The following MYRFL variants were observed in gnomAD, a reference collection of about 807,000 sequenced individuals.
The protein encoded by MYRFL is myelin regulatory factor like.
Under a neutral mutation model 109.4 loss-of-function variants are expected in MYRFL, and 88 were observed. The observed-to-expected ratio is 0.80, with a 90% CI of 0.68 to 0.96. The LOEUF (loss-of-function observed/expected upper bound fraction) is 0.96. Among genes scored for constraint, MYRFL ranks in the 40% least tolerant of loss-of-function variants. The pLI, the probability that MYRFL is intolerant of heterozygous loss-of-function variation, is 0.00. For missense variants in MYRFL, 957 were observed against 954.9 expected (o/e 1.00, Z -0.03); for synonymous variants, 324 against 320.9 (o/e 1.01, Z -0.10).
At position 69,891,113 on chromosome 12, in the gene MYRFL, G is replaced by A. The variant is rs1350428845; in HGVS notation, c.850G>A (p.Glu284Lys). Reference sequence around the variant, plus strand: ...GGGAAGTCCAAAATTTGTTGAAACCGAGATGGGCCTAAAGCCAATAGAAAT... The same window carrying A: ...GGGAAGTCCAAAATTTGTTGAAACCAAGATGGGCCTAAAGCCAATAGAAAT... ...VWGSPKFVETEMGLKPIEMFY... is the reference protein window; with the variant it reads ...VWGSPKFVETKMGLKPIEMFY... Residue 284 changes from glutamate to lysine, a missense_variant, in exon 7 of 25, where the codon GAG (glutamate) becomes AAG (lysine). Transcript: ENST00000552032. 1.8e-5 allele frequency: 27 copies of A among 1,534,756 alleles called. No individual in the cohort carries two copies. Among genetic ancestry groups the A allele is most frequent in the South Asian group, 3.6e-5 (3 of 83,650 alleles).
intron 22 of MYRFL, among the ~76,000 whole-genome samples, chr12:69,957,091 T>C (rs1214739019): frequency 1.3e-5 from 2 of 152,200 alleles, no homozygotes; most frequent in African/African-American, 4.8e-5. Flanking sequence ...GCAAAAGGAT[T>C]GTTCCCAAAG....
intron 5 of MYRFL, among the ~76,000 whole-genome samples, chr12:69,882,182 T>C (rs1172301562): frequency 6.6e-6 from 1 of 152,152 alleles, no homozygotes; most frequent in Non-Finnish European, 1.5e-5. Context: ...TTCCAGCAGA[T>C]AGGAAATCCT....
At chr12:69,917,735 G>A (rs1348063411) in intron 13 of MYRFL, among the ~76,000 whole-genome samples, 1 of 152,090 alleles carries the variant, frequency 6.6e-6, no homozygotes, top group Non-Finnish European at 1.5e-5. Context: ...CTGATACATT[G>A]TGGATACTGC....
chr12:69,831,810 A>G (rs1297588831), intron 1 of MYRFL, among the ~76,000 whole-genome samples: 1 of 152,144 alleles, frequency 6.6e-6, no homozygotes, highest in Non-Finnish European at 1.5e-5. Context: ...AGTGGCTGCA[A>G]GGTCATTTAT....
chr12:69,948,238 T>A (rs1175641179), intron 19 of MYRFL, among the ~76,000 whole-genome samples: 1 of 152,216 alleles, frequency 6.6e-6, no homozygotes, highest in Non-Finnish European at 1.5e-5. Flanking sequence ...GAAGGTGTTT[T>A]ATGGGAGATT....
chr12:69,825,503 T>G lies in MYRFL; in HGVS notation c.-15T>G. 1 of 701,698 alleles carries G rather than the reference T, an allele frequency of 1.4e-6. No individual in the cohort carries two copies. Among genetic ancestry groups the G allele is most frequent in the South Asian group, 1.5e-5 (1 of 67,468 alleles). 43.5% of individuals were successfully genotyped at this position (701,698 alleles called of 1,614,324 possible). On this transcript the variant is annotated 5_prime_UTR_variant, in exon 1 of 25. Coordinates refer to ENST00000552032, the MANE Select transcript of MYRFL (RefSeq NM_182530.3). ...CCGTTGTTTTATGAGGAAATAGTAC[T>G]AGGATCACAGTACCATGGATGTGGT...
intron 10 of MYRFL, among the ~76,000 whole-genome samples, chr12:69,899,202 C>T (rs1160879767): frequency 6.6e-6 from 1 of 151,504 alleles, no homozygotes; most frequent in African/African-American, 2.4e-5. Flanking sequence ...ATAAGGATTA[C>T]TAACATCAAC....
At chr12:69,860,487 C>CGT (rs1475763393) in intron 2 of MYRFL, among the ~76,000 whole-genome samples, 1 of 151,998 alleles carries the variant, frequency 6.6e-6, no homozygotes, top group Non-Finnish European at 1.5e-5. Context: ...TTTTATTCAG[C>CGT]GTATCATTGG....
At chr12:69,948,430 CA>C (rs1262074070) in intron 19 of MYRFL, among the ~76,000 whole-genome samples, 1 of 152,120 alleles carries the variant, frequency 6.6e-6, no homozygotes, top group Non-Finnish European at 1.5e-5. Context: ...TGGAAGAAGA[CA>C]AATCTGTAGT....
At chr12:69,867,344 C>T (rs1247307350) in intron 2 of MYRFL, among the ~76,000 whole-genome samples, 1 of 152,146 alleles carries the variant, frequency 6.6e-6, no homozygotes, top group Non-Finnish European at 1.5e-5. Context: ...GTTATATGCA[C>T]GTGTGTGCAG....
chr12:69,893,555 T>C (rs534479740), intron 7 of MYRFL, among the ~76,000 whole-genome samples: 2 of 152,320 alleles, frequency 1.3e-5, no homozygotes, highest in South Asian at 4.1e-4. Context: ...TCTCATTGTT[T>C]AATTTCACAG....
At chr12:69,900,195 G>T (rs1383453834) in intron 10 of MYRFL, among the ~76,000 whole-genome samples, 2 of 152,146 alleles carry the variant, frequency 1.3e-5, no homozygotes, top group East Asian at 3.9e-4. Context: ...TGCGTGACAT[G>T]GGAAACCAAA....
chr12:69,832,945 TGTGTGTG>T (rs959053921), intron 1 of MYRFL, among the ~76,000 whole-genome samples: 1 of 226 alleles, frequency 4.4e-3, no homozygotes, highest in South Asian at 0.25. Context: ...GGAACAGGCT[TGTGTGTG>T]TGTGTGTGTG....
intron 4 of MYRFL, among the ~76,000 whole-genome samples, 193 bp from the exon 5 acceptor site, chr12:69,880,008 C>T (rs1885963151): frequency 6.6e-6 from 1 of 152,140 alleles, no homozygotes; most frequent in Non-Finnish European, 1.5e-5. Flanking sequence ...ACATTGTCAG[C>T]TTATCTTTCA....
At chr12:69,833,494 T>G (rs1416782230) in intron 1 of MYRFL, among the ~76,000 whole-genome samples, 1 of 152,220 alleles carries the variant, frequency 6.6e-6, no homozygotes, top group South Asian at 2.1e-4. Flanking sequence ...TATCATTTAA[T>G]GAAGGAAAAC....
intron 13 of MYRFL, among the ~76,000 whole-genome samples, chr12:69,926,346 C>T (rs1152965): frequency 0.73 from 111,533 of 152,020 alleles, 41,606 homozygotes; most frequent in East Asian, 0.99. Context: ...CATATTTTCA[C>T]TTTATTGGAA....
At chr12:69,916,490 C>G (rs116006216) in intron 13 of MYRFL, among the ~76,000 whole-genome samples, 5 of 152,146 alleles carry the variant, frequency 3.3e-5, no homozygotes, top group Admixed American at 1.3e-4. Flanking sequence ...ATTTTTCTTC[C>G]TTTGGCAATA....
chr12:69,939,233 G>A (rs1369726463), intron 19 of MYRFL, among the ~76,000 whole-genome samples: 6 of 152,164 alleles, frequency 3.9e-5, no homozygotes, highest in African/African-American at 1.4e-4. Flanking sequence ...TCCACCTCTG[G>A]GGGCAGGGCA....
At chr12:69,914,557 C>T (rs568256322) in intron 13 of MYRFL, among the ~76,000 whole-genome samples, 1 of 152,286 alleles carries the variant, frequency 6.6e-6, no homozygotes, top group Admixed American at 6.5e-5. Context: ...ATAATTAGTT[C>T]TCTCCCTTGT....
Sources: allele counts gnomAD v4.1 joint callset (sites outside exome capture counted in the v4.1 genomes callset), GRCh38; gene constraint gnomAD v4.1.1; transcripts MANE v1.5; gene names NCBI Gene and HGNC (gene_info 2026-07-23, HGNC 2026-07-21).